The following CHCHD6 variants were observed in gnomAD, a reference collection of about 807,000 sequenced individuals.
The protein encoded by CHCHD6 is coiled-coil-helix-coiled-coil-helix domain containing 6, also known as MICOS complex subunit MIC25.
In CHCHD6, 28 loss-of-function variants were observed where a neutral mutation model predicts 32.3. That is an observed-to-expected ratio of 0.87 (90% CI 0.64 to 1.19). The LOEUF is 1.19. Among genes scored for constraint, CHCHD6 ranks in the 50% most tolerant of loss-of-function variants. The pLI, the probability that CHCHD6 is intolerant of heterozygous loss-of-function variation, is 0.00. For missense variants in CHCHD6, 333 were observed against 307.0 expected (o/e 1.08, Z -0.63); for synonymous variants, 122 against 117.5 (o/e 1.04, Z -0.25).
At chr3:126,780,935 C>T (rs1428292823) in intron 4 of CHCHD6, among the ~76,000 whole-genome samples, 1 of 152,144 alleles carries the variant, frequency 6.6e-6, no homozygotes, top group African/African-American at 2.4e-5. Flanking sequence ...CTCATGGTCA[C>T]AAGGCATCCA....
At chr3:126,817,242 G>A (rs1939946855) in intron 4 of CHCHD6, among the ~76,000 whole-genome samples, 1 of 152,012 alleles carries the variant, frequency 6.6e-6, no homozygotes, top group African/African-American at 2.4e-5. Flanking sequence ...CTGAAAGCTA[G>A]AAGCCAGCAG....
chr3:126,909,954 A>G (rs1047560790), intron 5 of CHCHD6, among the ~76,000 whole-genome samples: 14 of 152,204 alleles, frequency 9.2e-5, no homozygotes, highest in South Asian at 4.1e-4. Flanking sequence ...GGATGCCATC[A>G]TCCACACAGC....
At position 126,731,912 on chromosome 3, in the gene CHCHD6, CA is replaced by C. The variant is rs965535461; in HGVS notation, c.267-1159del. On this transcript the variant is annotated intron_variant, in intron 3 of 7. Coordinates refer to ENST00000290913, the MANE Select transcript of CHCHD6 (RefSeq NM_032343.3). Reference sequence around the variant, plus strand: ...GCAACATAGTGAGACCCTGTCTCTACAAAAAAATTAAAAACGTTAACTGGGG... The same window carrying C: ...GCAACATAGTGAGACCCTGTCTCTACAAAAAATTAAAAACGTTAACTGGGG... 6.5e-4 allele frequency among the ~76,000 whole-genome samples: 99 copies of C among 151,762 alleles called. 2 individuals carry two copies. The highest frequency in any genetic ancestry group is 9.7e-4 in the East Asian group (5 of 5,154).
At chr3:126,907,172 A>G (rs918158411) in intron 5 of CHCHD6, among the ~76,000 whole-genome samples, 3 of 152,218 alleles carry the variant, frequency 2.0e-5, no homozygotes, top group East Asian at 1.9e-4. Context: ...TACAAGTTGC[A>G]TGGAAGGTTC....
At chr3:126,836,344 C>T (rs895212783) in intron 4 of CHCHD6, among the ~76,000 whole-genome samples, 3 of 152,206 alleles carry the variant, frequency 2.0e-5, no homozygotes, top group Admixed American at 6.5e-5. Flanking sequence ...CTAAGATCTT[C>T]GTGGCCTTCT....
At chr3:126,786,358 G>A (rs1374046127) in intron 4 of CHCHD6, among the ~76,000 whole-genome samples, 6 of 152,188 alleles carry the variant, frequency 3.9e-5, no homozygotes, top group Non-Finnish European at 8.8e-5. Flanking sequence ...TGGGATGGCT[G>A]GGTCAAATGG....
chr3:126,742,050 G>C (rs936122595), intron 4 of CHCHD6, among the ~76,000 whole-genome samples: 38 of 152,344 alleles, frequency 2.5e-4, no homozygotes, highest in African/African-American at 8.7e-4. Context: ...AGAATCTGCT[G>C]TCTGTGTTAC....
At chr3:126,710,138 C>A (rs1031206271) in intron 1 of CHCHD6, among the ~76,000 whole-genome samples, 2 of 152,198 alleles carry the variant, frequency 1.3e-5, no homozygotes, top group Non-Finnish European at 2.9e-5. Flanking sequence ...GTTTGCTGAA[C>A]CCTGATCTAA....
intron 4 of CHCHD6, among the ~76,000 whole-genome samples, chr3:126,843,090 C>G (rs1342391689): frequency 1.3e-5 from 2 of 151,938 alleles, no homozygotes; most frequent in Non-Finnish European, 2.9e-5. Flanking sequence ...GTTGAGGAAA[C>G]TTTCTTCTAT....
intron 4 of CHCHD6, among the ~76,000 whole-genome samples, chr3:126,822,077 T>C (rs777929588): frequency 2.0e-5 from 3 of 152,226 alleles, no homozygotes; most frequent in Admixed American, 1.3e-4. Context: ...AAATTCAACT[T>C]ACCTATTTTT....
At chr3:126,903,092 C>A (rs2077954225) in intron 5 of CHCHD6, among the ~76,000 whole-genome samples, 1 of 152,326 alleles carries the variant, frequency 6.6e-6, no homozygotes, top group South Asian at 2.1e-4. Context: ...CTGGGGCCTG[C>A]TCTCAGGAGT....
intron 5 of CHCHD6, among the ~76,000 whole-genome samples, chr3:126,872,876 T>C (rs2077494204): frequency 6.6e-6 from 1 of 152,222 alleles, no homozygotes; most frequent in Non-Finnish European, 1.5e-5. Context: ...TTCCCTCGTT[T>C]CTCACCGCAA....
At chr3:126,821,289 T>A (rs1168334435) in intron 4 of CHCHD6, among the ~76,000 whole-genome samples, 3 of 152,242 alleles carry the variant, frequency 2.0e-5, no homozygotes, top group Admixed American at 6.5e-5. Flanking sequence ...ACATATATTT[T>A]TAATTCCCTT....
intron 4 of CHCHD6, among the ~76,000 whole-genome samples, chr3:126,801,414 G>A (rs79732418): frequency 1.3e-5 from 2 of 152,068 alleles, no homozygotes; most frequent in Non-Finnish European, 2.9e-5. Flanking sequence ...ATTATATCCC[G>A]CACCTGGCTC....
At chr3:126,858,620 T>G (rs1168383172) in intron 5 of CHCHD6, among the ~76,000 whole-genome samples, 3 of 152,164 alleles carry the variant, frequency 2.0e-5, no homozygotes, top group Non-Finnish European at 4.4e-5. Flanking sequence ...TTGCCTCGCC[T>G]CCTCGTGTGA....
chr3:126,777,293 G>A (rs1937695199), intron 4 of CHCHD6, among the ~76,000 whole-genome samples: 1 of 152,170 alleles, frequency 6.6e-6, no homozygotes, highest in Non-Finnish European at 1.5e-5. Context: ...TTTTAGGAAG[G>A]AAGACTGGTT....
chr3:126,737,390 GTATATATATATA>G (rs60896630), intron 4 of CHCHD6, among the ~76,000 whole-genome samples: 154 of 132,636 alleles, frequency 1.2e-3, no homozygotes, highest in Middle Eastern at 4.0e-3. Context: ...TGATGTGTGA[GTATATATATATA>G]TATATATATA....
chr3:126,889,949 G>C (rs2077733271), intron 5 of CHCHD6, among the ~76,000 whole-genome samples: 1 of 151,562 alleles, frequency 6.6e-6, no homozygotes, highest in African/African-American at 2.4e-5. Context: ...CCATCAAAGG[G>C]GCTGGACCAG....
intron 5 of CHCHD6, among the ~76,000 whole-genome samples, chr3:126,861,075 A>G (rs1011942656): frequency 2.6e-5 from 4 of 152,162 alleles, no homozygotes; most frequent in African/African-American, 9.7e-5. Flanking sequence ...AAAGGAAGAC[A>G]CTAGAGTTGC....
Sources: gnomAD v4.1 joint callset for allele counts (sites outside exome capture counted in the v4.1 genomes callset) on GRCh38, gnomAD v4.1.1 for gene constraint, MANE v1.5 for transcripts, NCBI Gene and HGNC (gene_info 2026-07-23, HGNC 2026-07-21) for gene names.